The following ARID1B variants were observed in gnomAD, a reference collection of about 807,000 sequenced individuals.
ARID1B encodes AT-rich interactive domain-containing protein 1B.
In ARID1B, 30 loss-of-function variants were observed where a neutral mutation model predicts 212.3. The observed-to-expected ratio is 0.14, with a 90% CI of 0.11 to 0.19. ARID1B has a LOEUF of 0.19. Ranked by LOEUF, ARID1B falls within the 10% of genes least tolerant of loss-of-function variation. The probability of loss-of-function intolerance (pLI) is 1.00; values close to 1 mark genes in which losing one functional copy is unlikely to be tolerated. For missense variants in ARID1B, 2,891 were observed against 3,204.0 expected, an observed-to-expected ratio of 0.90 and a Z score of 2.36; for synonymous variants, 1,402 against 1,301.7, an observed-to-expected ratio of 1.08 and a Z score of -1.66.
At chr6:157,060,171 C>T (rs1169791975) in intron 4 of ARID1B, among the ~76,000 whole-genome samples, 1 of 152,174 alleles carries the variant, frequency 6.6e-6, no homozygotes, top group African/African-American at 2.4e-5. Context: ...GCTGATAAGT[C>T]CACATCTGGG....
chr6:156,960,570 G>A (rs1291726297), intron 4 of ARID1B, among the ~76,000 whole-genome samples: 1 of 152,070 alleles, frequency 6.6e-6, no homozygotes, highest in Non-Finnish European at 1.5e-5. Context: ...ATGGGTTTGG[G>A]TATACATTCC....
intron 1 of ARID1B, among the ~76,000 whole-genome samples, chr6:156,819,294 A>G (rs557981083): frequency 3.3e-5 from 5 of 152,380 alleles, no homozygotes; most frequent in African/African-American, 7.2e-5. Context: ...TGTTAAAGCC[A>G]TGATAAAAGC....
At chr6:156,869,591 C>T (rs1347220515) in intron 2 of ARID1B, among the ~76,000 whole-genome samples, 2 of 152,070 alleles carry the variant, frequency 1.3e-5, no homozygotes, top group African/African-American at 4.8e-5. Context: ...TTTATAAGGG[C>T]GAGGACATGG....
chr6:156,925,940 A>G (rs758350612), intron 3 of ARID1B, among the ~76,000 whole-genome samples: 1 of 152,238 alleles, frequency 6.6e-6, no homozygotes, highest in Non-Finnish European at 1.5e-5. Flanking sequence ...TGCATAGGCC[A>G]TTGCCACCCA....
At chr6:156,890,104 A>G (rs967151858) in intron 2 of ARID1B, among the ~76,000 whole-genome samples, 3 of 152,230 alleles carry the variant, frequency 2.0e-5, no homozygotes, top group African/African-American at 4.8e-5. Flanking sequence ...AAGGCTGTTC[A>G]GGACATATCC....
At chr6:156,946,127 C>T (rs144744883) in intron 4 of ARID1B, among the ~76,000 whole-genome samples, 6,812 of 148,986 alleles carry the variant, frequency 0.046, 369 homozygotes, top group East Asian at 0.26. Flanking sequence ...GAGGCCAAGG[C>T]GGGCAGACCA....
Position 156,976,650 on chromosome 6 carries a change from C to T in ARID1B, c.2247+41074C>T, listed in dbSNP as rs6910614. Among the ~76,000 whole-genome samples the T allele has an allele frequency of 5.4e-3, 823 of 152,254 alleles. 9 individuals carry two copies. The highest frequency in any genetic ancestry group is 0.019 in the African/African-American group (788 of 41,536). On this transcript the variant is annotated intron_variant, in intron 4 of 19. Coordinates refer to ENST00000636930, the MANE Select transcript of ARID1B (RefSeq NM_001374828.1). Reference sequence around the variant, plus strand: ...AACCCTTCTGGGTCCCCTTCCACCACGTGGAAGCTTTCCTTTCACTTTGTT... The same window carrying T: ...AACCCTTCTGGGTCCCCTTCCACCATGTGGAAGCTTTCCTTTCACTTTGTT...
chr6:156,926,223 G>T (rs1791206784), intron 3 of ARID1B, among the ~76,000 whole-genome samples: 1 of 152,162 alleles, frequency 6.6e-6, no homozygotes, highest in African/African-American at 2.4e-5. Flanking sequence ...TCAACAAGAA[G>T]AGCAGGTTTT....
intron 4 of ARID1B, among the ~76,000 whole-genome samples, chr6:156,961,488 G>T (rs1358386075): frequency 6.6e-6 from 1 of 152,224 alleles, no homozygotes; most frequent in Non-Finnish European, 1.5e-5. Flanking sequence ...CTGGCGCGGG[G>T]TCCTCTCCCG....
At chr6:157,174,139 G>C (rs373920239) in intron 10 of ARID1B, 22 bp downstream of exon 10, 2 of 1,603,030 alleles carry the variant, frequency 1.2e-6, no homozygotes, top group East Asian at 2.2e-5. Context: ...GCCTCTGCAC[G>C]CGGTGTGAGG....
intron 2 of ARID1B, among the ~76,000 whole-genome samples, chr6:156,860,927 G>T (rs370026474): frequency 2.0e-5 from 3 of 152,004 alleles, no homozygotes; most frequent in Admixed American, 6.5e-5. Context: ...TTGCTTTTTT[G>T]TGCAACCAAC....
chr6:156,906,502 G>A (rs1220443124), intron 3 of ARID1B, among the ~76,000 whole-genome samples: 1 of 127,076 alleles, frequency 7.9e-6, no homozygotes. Flanking sequence ...CTGAGATCGT[G>A]CCATTGCACT....
At chr6:157,179,747 C>A (rs1009419496) in intron 11 of ARID1B, among the ~76,000 whole-genome samples, 18 of 152,262 alleles carry the variant, frequency 1.2e-4, no homozygotes, top group African/African-American at 3.9e-4. Context: ...AAAGGGAAAG[C>A]GGCGGCCTCA....
intron 3 of ARID1B, among the ~76,000 whole-genome samples, chr6:156,902,941 GCCTTATT>G: frequency 6.6e-6 from 1 of 152,166 alleles, no homozygotes; most frequent in East Asian, 1.9e-4. Flanking sequence ...GGCTTTCAGA[GCCTTATT>G]GAACTTATCT....
In ARID1B at chr6:157,018,583, A is replaced by G. The variant is rs114423522; in HGVS notation, c.2248-66079A>G. 5.8e-3 allele frequency among the ~76,000 whole-genome samples: 882 copies of G among 152,262 alleles called. 6 individuals carry two copies. Among genetic ancestry groups the G allele is most frequent in the African/African-American group, 0.02 (830 of 41,540 alleles). Reference sequence around the variant, plus strand: ...TTGTCAAAAATTATTACCCATCTACATGTGAGACCTTCAGGTCTCAGCCTT... The same window carrying G: ...TTGTCAAAAATTATTACCCATCTACGTGTGAGACCTTCAGGTCTCAGCCTT... On this transcript the variant is annotated intron_variant, in intron 4 of 19. Transcript: ENST00000636930.
chr6:157,008,009 TTTAAA>T (rs1285626932), intron 4 of ARID1B, among the ~76,000 whole-genome samples: 8 of 152,184 alleles, frequency 5.3e-5, no homozygotes, highest in African/African-American at 1.4e-4. Flanking sequence ...CTTTTTAAAG[TTTAAA>T]TTAAGCAAAG....
In ARID1B at chr6:156,785,006, C is replaced by T. The variant is rs369362938; in HGVS notation, c.1791+5535C>T. 2.9e-4 allele frequency among the ~76,000 whole-genome samples: 44 copies of T among 152,264 alleles called. No individual in the cohort carries two copies. In the South Asian group the frequency reaches 8.9e-3, roughly 31 times the overall value. On this transcript the variant is annotated intron_variant, in intron 1 of 19. Transcript: ENST00000636930. ...AACTCCTGACCTCAAGTGATCCACC[C>T]TCCTCGGCCTCCCAAAGTGCTGGGA...
chr6:156,779,583 G>A, intron 1 of ARID1B, 112 bp downstream of exon 1: 1 of 1,104,272 alleles, frequency 9.1e-7, no homozygotes. Flanking sequence ...GGGGCGGCGG[G>A]GGCGCGGCGC....
In ARID1B at chr6:156,871,329, G is replaced by A. The variant is rs73574025; in HGVS notation, c.1987-30047G>A. On this transcript the variant is annotated intron_variant, in intron 2 of 19. Coordinates refer to ENST00000636930, the MANE Select transcript of ARID1B (RefSeq NM_001374828.1). ...GTGATGGACAAATAAATGGAAGGCA[G>A]TCATGGAATGCTAAGTGCACCCCAT... 0.052 allele frequency among the ~76,000 whole-genome samples: 7,928 copies of A among 152,248 alleles called. 718 individuals carry two copies. The highest frequency in any genetic ancestry group is 0.18 in the African/African-American group (7,332 of 41,488).
Sources: allele counts gnomAD v4.1 joint callset (sites outside exome capture counted in the v4.1 genomes callset), GRCh38; gene constraint gnomAD v4.1.1; transcripts MANE v1.5; gene names NCBI Gene and HGNC (gene_info 2026-07-23, HGNC 2026-07-21).